Variants in NFX1 observed in about 807,000 individuals in gnomAD.
NFX1 encodes the protein transcriptional repressor NF-X1.
In NFX1, 69 loss-of-function variants were observed where a neutral mutation model predicts 137.2. The ratio of observed to expected loss-of-function variants is 0.50; its 90% confidence interval spans 0.41 to 0.61. NFX1 has a LOEUF of 0.61. Among genes scored for constraint, NFX1 ranks in the 20% least tolerant of loss-of-function variants. The probability of loss-of-function intolerance (pLI) is 0.00; values close to 1 mark genes in which losing one functional copy is unlikely to be tolerated. For missense variants in NFX1, 1,167 were observed against 1,391.0 expected (o/e 0.84, Z 2.56); for synonymous variants, 495 against 474.1 (o/e 1.04, Z -0.57).
At chr9:33,339,908 C>T (rs1037155619) in intron 12 of NFX1, among the ~76,000 whole-genome samples, 8 of 152,202 alleles carry the variant, frequency 5.3e-5, no homozygotes, top group Non-Finnish European at 1.2e-4. Context: ...GAAGTGGGTT[C>T]CCATGGTCTT....
rs935532772 is a variant in NFX1 at position 33,348,927 on chromosome 9, C to T, written c.2424+1810C>T. Among the ~76,000 whole-genome samples the T allele has an allele frequency of 4.6e-5, 7 of 151,908 alleles. No individual in the cohort carries two copies. The East Asian group carries it at 5.8e-4, about 13-fold the overall frequency. On this transcript the variant is annotated intron_variant, in intron 15 of 23. Coordinates refer to ENST00000379540, the MANE Select transcript of NFX1 (RefSeq NM_002504.6). ...GTAACCTGCTTTTTTTGCATCATGA[C>T]GTATTGGCCAACATTTCATGAAACT...
Position 33,345,795 on chromosome 9 carries a change from A to G in NFX1, c.2345-1243A>G, listed in dbSNP as rs140260224. ...TATTCAGTCAGTCTTGTGTTGCTGG[A>G]CATTTTAGTGTTTTCAGTTTTCCTC... On this transcript the variant is annotated intron_variant, in intron 14 of 23. Transcript: ENST00000379540. Among the ~76,000 whole-genome samples the G allele has an allele frequency of 5.5e-3, 837 of 152,274 alleles. 2 individuals are homozygous for G. Among genetic ancestry groups the G allele is most frequent in the Non-Finnish European group, 9.5e-3 (644 of 68,028 alleles).
In NFX1 at chr9:33,351,684, A is replaced by T; in HGVS notation, c.2549A>T (p.Glu850Val). ...CACAAAGGGGAGTGTCTTGTGGATGAGCCCTGCAAGCAGCCCTGCACCACC... is the reference window on the plus strand; with the variant it reads ...CACAAAGGGGAGTGTCTTGTGGATGTGCCCTGCAAGCAGCCCTGCACCACC... Reference protein sequence around the residue: ...LCHKGECLVDEPCKQPCTTPR... With the variant: ...LCHKGECLVDVPCKQPCTTPR... The change falls in exon 16 of 24, where the codon GAG becomes GTG. Residue 850 changes from glutamate to valine, a missense_variant. Coordinates refer to ENST00000379540, the MANE Select transcript of NFX1 (RefSeq NM_002504.6). 2 of 1,614,094 alleles carry T rather than the reference A, an allele frequency of 1.2e-6. No homozygotes were observed. Among genetic ancestry groups the T allele is most frequent in the Non-Finnish European group, 1.7e-6 (2 of 1,180,008 alleles).
chr9:33,314,457 A>G (rs1264676425), intron 7 of NFX1, among the ~76,000 whole-genome samples: 1 of 151,832 alleles, frequency 6.6e-6, no homozygotes, highest in Non-Finnish European at 1.5e-5. Flanking sequence ...CCGGTGGATC[A>G]CTCGAGGTCA....
chr9:33,331,784 A>C (rs1822816823), intron 10 of NFX1, among the ~76,000 whole-genome samples: 1 of 151,732 alleles, frequency 6.6e-6, no homozygotes, highest in African/African-American at 2.4e-5. Flanking sequence ...CCTGTAAATG[A>C]CATCAAAGCC....
At chr9:33,317,419 C>CAAAAAAAAAAAAA (rs761378780) in intron 7 of NFX1, among the ~76,000 whole-genome samples, 1 of 54,328 alleles carries the variant, frequency 1.8e-5, no homozygotes, top group Non-Finnish European at 3.9e-5. Flanking sequence ...GCCCTGTCTC[C>CAAAAAAAAAAAAA]AAAAAAAAAA....
rs1466546233 is a variant in NFX1 at position 33,311,364 on chromosome 9, G to A, written c.1448+187G>A. Among the ~76,000 whole-genome samples, 3 of 152,170 alleles carry A rather than the reference G, an allele frequency of 2.0e-5. No homozygotes were observed. The East Asian group carries it at 5.8e-4, about 29-fold the overall frequency. On this transcript the variant is annotated intron_variant, in intron 6 of 23. Coordinates refer to ENST00000379540, the MANE Select transcript of NFX1 (RefSeq NM_002504.6). ...ACAGGAAGGAAAGGACAGAAGGAAA[G>A]TACAACTTGGAAGAGAGCCAAGTGG...
chr9:33,363,718 A>G (rs1461173475), intron 19 of NFX1, among the ~76,000 whole-genome samples: 1 of 152,092 alleles, frequency 6.6e-6, no homozygotes, highest in East Asian at 1.9e-4. Flanking sequence ...GTCATCCCCC[A>G]TTGACCATTC....
intron 19 of NFX1, among the ~76,000 whole-genome samples, chr9:33,356,390 A>T (rs895294545): frequency 6.6e-6 from 1 of 151,934 alleles, no homozygotes; most frequent in Non-Finnish European, 1.5e-5. Flanking sequence ...CTCTATGTAT[A>T]CATTGTGAGT....
intron 14 of NFX1, 36 bp downstream of exon 14, chr9:33,344,224 C>T: frequency 6.2e-7 from 1 of 1,611,648 alleles, no homozygotes; most frequent in Non-Finnish European, 8.5e-7. Context: ...TCAGCCTGCT[C>T]ACACCATGTC....
At chr9:33,343,570 C>A (rs1224523793) in intron 13 of NFX1, among the ~76,000 whole-genome samples, 1 of 152,114 alleles carries the variant, frequency 6.6e-6, no homozygotes, top group East Asian at 1.9e-4. Context: ...TGAAATTACA[C>A]CAAAATTCAA....
In NFX1 at chr9:33,318,840, T is replaced by C. The variant is rs1418374343; in HGVS notation, c.1688+10T>C. On this transcript the variant is annotated intron_variant, in intron 8 of 23. Coordinates refer to ENST00000379540, the MANE Select transcript of NFX1 (RefSeq NM_002504.6). ...TAAAGATATGTGGCAAGTAAGGTTTTACGTTTTCTTCAGTTGAACTAAAGC... is the reference window on the plus strand; with the variant it reads ...TAAAGATATGTGGCAAGTAAGGTTTCACGTTTTCTTCAGTTGAACTAAAGC... 4.3e-6 allele frequency: 7 copies of C among 1,614,230 alleles called. No individual in the cohort carries two copies. The highest frequency in any genetic ancestry group is 4.2e-6 in the Non-Finnish European group (5 of 1,180,030).
At chr9:33,303,136 T>TA in intron 3 of NFX1, 55 bp from the exon 4 acceptor site, 5 of 1,401,184 alleles carry the variant, frequency 3.6e-6, no homozygotes, top group Non-Finnish European at 5.1e-6. Flanking sequence ...TTTTTTTAAT[T>TA]ACATGTAGCT....
At chr9:33,308,507 C>T (rs1398167731) in intron 5 of NFX1, among the ~76,000 whole-genome samples, 1 of 152,130 alleles carries the variant, frequency 6.6e-6, no homozygotes, top group Non-Finnish European at 1.5e-5. Flanking sequence ...AAAAAATGCA[C>T]AGTAATAGAA....
At chr9:33,350,233 G>T (rs548749224) in intron 15 of NFX1, among the ~76,000 whole-genome samples, 76 of 151,876 alleles carry the variant, frequency 5.0e-4, no homozygotes, top group Non-Finnish European at 8.7e-4. Flanking sequence ...GAACCCAGGA[G>T]GTGGAGGTTG....
At position 33,313,846 on chromosome 9, in the gene NFX1, A is replaced by G. The variant is rs1412695534; in HGVS notation, c.1588+53A>G. 6 of 1,569,020 alleles carry G rather than the reference A, an allele frequency of 3.8e-6. No homozygotes were observed. The Admixed American group carries it at 6.8e-5, about 18-fold the overall frequency. Reference sequence around the variant, plus strand: ...TGCTTGTGTTCTTTTCTGGAACCTTATTAATGATTGTCTTGATAAACTTTG... The same window carrying G: ...TGCTTGTGTTCTTTTCTGGAACCTTGTTAATGATTGTCTTGATAAACTTTG... On this transcript the variant is annotated intron_variant, in intron 7 of 23. Transcript: ENST00000379540.
chr9:33,324,543 C>T (rs954900127), intron 9 of NFX1, among the ~76,000 whole-genome samples: 2 of 152,118 alleles, frequency 1.3e-5, no homozygotes, highest in Admixed American at 1.3e-4. Flanking sequence ...AAGCAAGACC[C>T]TTTCTCAAAG....
intron 5 of NFX1, among the ~76,000 whole-genome samples, chr9:33,307,828 C>T (rs1433876289): frequency 7.3e-6 from 1 of 136,868 alleles, no homozygotes; most frequent in Non-Finnish European, 1.5e-5. Flanking sequence ...GACAGGGTCT[C>T]GCTTTGTCAC....
chr9:33,326,286 G>T (rs78300540), intron 9 of NFX1, among the ~76,000 whole-genome samples: 4 of 152,096 alleles, frequency 2.6e-5, no homozygotes, highest in African/African-American at 9.6e-5. Flanking sequence ...GGTGGCATAT[G>T]CCTGTGATCC....
Sources: gnomAD v4.1 joint callset for allele counts (sites outside exome capture counted in the v4.1 genomes callset) on GRCh38, gnomAD v4.1.1 for gene constraint, MANE v1.5 for transcripts, NCBI Gene and HGNC (gene_info 2026-07-23, HGNC 2026-07-21) for gene names.